The following MDN1 variants were observed in gnomAD, a reference collection of about 807,000 sequenced individuals.
MDN1 encodes the protein midasin AAA ATPase 1.
A neutral mutation model predicts 669.2 loss-of-function variants in MDN1; 266 were observed. The observed-to-expected ratio is 0.40, with a 90% CI of 0.36 to 0.44. The LOEUF (loss-of-function observed/expected upper bound fraction) is 0.44, where lower values mean the gene tolerates loss of function less well. Ranked by LOEUF, MDN1 falls within the 20% of genes least tolerant of loss-of-function variation. The pLI is 1.00. For missense variants in MDN1, 5,940 were observed against 6,754.0 expected (o/e 0.88, Z 4.22); for synonymous variants, 2,385 against 2,457.1 (o/e 0.97, Z 0.87).
chr6:89,740,744 T>C (rs1419820689), intron 31 of MDN1, among the ~76,000 whole-genome samples: 2 of 152,216 alleles, frequency 1.3e-5, no homozygotes, highest in Admixed American at 6.5e-5. Flanking sequence ...TCCAATACTA[T>C]TCGGGACAAA....
At chr6:89,678,423 G>C (rs1811379068) in intron 75 of MDN1, among the ~76,000 whole-genome samples, 176 bp downstream of exon 75, 1 of 152,142 alleles carries the variant, frequency 6.6e-6, no homozygotes, top group Admixed American at 6.5e-5. Context: ...ATGGATGGCT[G>C]GTCATAGGAT....
In MDN1 at chr6:89,766,155, C is replaced by T. The variant is rs1313473289; in HGVS notation, c.2145-3625G>A. ...CTCTACTAAAAATATAAAAATTAGC[C>T]GGGCCTGGTGGCGGGCCCCTGTAAT... On this transcript the variant is annotated intron_variant, in intron 15 of 101. Transcript: ENST00000369393. Among the ~76,000 whole-genome samples the T allele has an allele frequency of 9.9e-5, 15 of 152,074 alleles. 1 individual carries two copies. The highest frequency in any genetic ancestry group is 6.5e-4 in the Admixed American group (10 of 15,270).
In MDN1 at chr6:89,747,370, G is replaced by C. The variant is rs759713234; in HGVS notation, c.3863C>G (p.Thr1288Ser). Reference protein sequence around the residue: ...WAERYRLAEPTEKEYDWLQHL... With the variant: ...WAERYRLAEPSEKEYDWLQHL... ...CTGTAGCCAGTCATACTCCTTCTCG[G>C]TCGGCTCAGCCAATCTGTATCTTTC... The change falls in exon 27 of 102, where the codon ACC becomes AGC. Residue 1288 changes from threonine to serine, a missense_variant. Thr to Ser is a moderately conservative substitution (Grantham distance 58). This residue lies in a region of MDN1 where 2,292 missense variants were observed against 2,638.3 expected (regional missense o/e 0.87). Coordinates refer to ENST00000369393, the MANE Select transcript of MDN1 (RefSeq NM_014611.3). 1.9e-6 allele frequency: 3 copies of C among 1,614,046 alleles called. No homozygotes were observed. In the East Asian group the frequency reaches 6.7e-5, roughly 36 times the overall value.
chr6:89,714,258 C>T (rs1273317311), intron 46 of MDN1, among the ~76,000 whole-genome samples: 1 of 152,060 alleles, frequency 6.6e-6, no homozygotes, highest in Non-Finnish European at 1.5e-5. Flanking sequence ...GATGGGCAAA[C>T]TTCATAAACC....
At position 89,695,885 on chromosome 6, in the gene MDN1, TG is replaced by T. The variant is rs1167975856; in HGVS notation, c.9490del (p.Gln3164SerfsTer62). On this transcript the variant is annotated frameshift_variant, in exon 61 of 102. Transcript: ENST00000369393. LOFTEE classifies it high-confidence loss of function. This position sits in a 1 kb window ranked among gnomAD's most constrained non-coding sequence, Gnocchi z 4.1. ...GGCCTGGCTGCTCCCAAGCAGCAGC[TG>T]CTCACAGTTCTGCATGTACTCCTGC... ...RRQEYMQNCEQLLLGSSQAFQ... is the reference protein window; with the variant it reads ...RRQEYMQNCEXLLLGSSQAFQ... The T allele has an allele frequency of 6.2e-7, 1 of 1,613,180 alleles. No individual in the cohort carries two copies. Among genetic ancestry groups the T allele is most frequent in the Non-Finnish European group, 8.5e-7 (1 of 1,180,040 alleles).
chr6:89,679,437 G>A (rs576588732), intron 74 of MDN1, among the ~76,000 whole-genome samples: 1 of 152,304 alleles, frequency 6.6e-6, no homozygotes, highest in South Asian at 2.1e-4. Flanking sequence ...GCTGGGTTGT[G>A]TCTTCCCCCT....
intron 80 of MDN1, 100 bp from the exon 81 acceptor site, chr6:89,672,802 A>C (rs1220299806): frequency 3.1e-6 from 4 of 1,308,982 alleles, no homozygotes; most frequent in Non-Finnish European, 4.2e-6. Flanking sequence ...TTTATTGATG[A>C]GCCACTGTGT....
At chr6:89,791,202 G>A (rs758962397) in intron 5 of MDN1, among the ~76,000 whole-genome samples, 1 of 152,138 alleles carries the variant, frequency 6.6e-6, no homozygotes, top group African/African-American at 2.4e-5. Context: ...ATGCACAAAG[G>A]TAGGGAAGAG....
chr6:89,735,656 T>C (rs917337771), intron 33 of MDN1, among the ~76,000 whole-genome samples: 8 of 152,144 alleles, frequency 5.3e-5, no homozygotes, highest in African/African-American at 1.7e-4. Flanking sequence ...TATATACTCA[T>C]TAAGATAATA....
rs139770253 is a variant in MDN1, at chr6:89,675,487, G to C, written c.12738C>G (p.Leu4246=). The change falls in exon 78 of 102, where the codon CTC becomes CTG. Residue 4246 remains leucine (L), a synonymous_variant. Transcript: ENST00000369393. The part of the protein sequence containing the change: ...LVRQRRSLTT[L]SEQWIILRNL... ...ACCTGAGGATGATCCACTGCTCACT[G>C]AGCGTGGTCAGGGAGCGCCGCTGTC... is the stretch of plus-strand genomic sequence containing the variant. The C allele has an allele frequency of 2.5e-4, 410 of 1,613,550 alleles. 1 individual carries two copies. Among genetic ancestry groups the C allele is most frequent in the South Asian group, 5.8e-4 (53 of 91,066 alleles).
rs957097241 is a variant in MDN1, at chr6:89,732,910, T to C, written c.4724-135A>G. On this transcript the variant is annotated intron_variant, in intron 33 of 101. Transcript: ENST00000369393. ...GCAAAGTTCTGTGAATGAATGTACATAAATGCTGTTTCTAACAAAAGCAGC... is the reference window on the plus strand; with the variant it reads ...GCAAAGTTCTGTGAATGAATGTACACAAATGCTGTTTCTAACAAAAGCAGC... 61 of 700,278 alleles carry C rather than the reference T, an allele frequency of 8.7e-5. No homozygotes were observed. In the African/African-American group the frequency reaches 8.8e-4, roughly 10 times the overall value. 43.4% of individuals were successfully genotyped at this position (700,278 alleles called of 1,614,324 possible). A position where few individuals can be genotyped will look rare whatever the true frequency, so the allele number is the denominator to read the frequency against.
rs768743314 is a variant in MDN1, at chr6:89,692,985, G to A, written c.10045C>T (p.Arg3349Trp). Residue 3349 changes from arginine to tryptophan, a missense_variant, in exon 63 of 102, where the codon CGG becomes TGG. Transcript: ENST00000369393. ...TCTATGTGGAGGGCCTGCAGAAGCC[G>A]TGTGAGCAGATCCTGAACAGCAGGG... is the stretch of plus-strand genomic sequence containing the variant. The part of the protein sequence containing the change: ...KAPAVQDLLT[R>W]LLQALHIDGP... 1 of 1,614,172 alleles carries A rather than the reference G, an allele frequency of 6.2e-7. No individual in the cohort carries two copies. The highest frequency in any genetic ancestry group is 8.5e-7 in the Non-Finnish European group (1 of 1,180,018).
intron 34 of MDN1, 68 bp downstream of exon 34, chr6:89,732,489 G>A (rs1378718074): frequency 1.5e-6 from 2 of 1,374,472 alleles, no homozygotes; most frequent in Non-Finnish European, 2.0e-6. Context: ...TCAGAGGCCT[G>A]GGCTTGCTCC....
At chr6:89,714,887 C>G (rs1814220952) in intron 45 of MDN1, 136 bp from the exon 46 acceptor site, 2 of 705,208 alleles carry the variant, frequency 2.8e-6, no homozygotes, top group Non-Finnish European at 4.7e-6. Context: ...TCTTTTACTT[C>G]TAGCATGCAT....
At chr6:89,675,954 T>G in intron 77 of MDN1, 148 bp downstream of exon 77, 1 of 656,802 alleles carries the variant, frequency 1.5e-6, no homozygotes, top group South Asian at 2.1e-5. Flanking sequence ...TACATTGATT[T>G]ATATTTTAAG....
rs759310857 is a variant in MDN1, at chr6:89,680,790, T to C, written c.12103-39A>G. 48 of 1,599,108 alleles carry C rather than the reference T, an allele frequency of 3.0e-5. 1 individual carries two copies. The Middle Eastern group carries it at 5.0e-4, about 17-fold the overall frequency. ...GACAGGTTAGCCTCACTGCCAAGAA[T>C]GACAGGCAGTGTCCCTGCAAGGGAA... On this transcript the variant is annotated intron_variant, in intron 73 of 101. Transcript: ENST00000369393.
In MDN1 at chr6:89,670,961, C is replaced by A; in HGVS notation, c.13914G>T (p.Leu4638=). The change falls in exon 83 of 102, where the codon CTG becomes CTT. Residue 4638 remains leucine, a synonymous_variant. Transcript: ENST00000369393. The part of the protein sequence containing the change: ...SLATHRSTAK[L]LSVLAQVFTE... Reference sequence around the variant, plus strand: ...TAAAGACCTGGGCAAGCACAGAGAGCAGCTTTGCAGTACTACGGTGAGTTG... The same window carrying A: ...TAAAGACCTGGGCAAGCACAGAGAGAAGCTTTGCAGTACTACGGTGAGTTG... 1 of 1,614,178 alleles carries A rather than the reference C, an allele frequency of 6.2e-7. No homozygotes were observed. Among genetic ancestry groups the A allele is most frequent in the South Asian group, 1.1e-5 (1 of 91,082 alleles).
chr6:89,733,441 T>G (rs1815729987), intron 33 of MDN1, among the ~76,000 whole-genome samples: 1 of 151,970 alleles, frequency 6.6e-6, no homozygotes, highest in South Asian at 2.1e-4. Context: ...TAAAACGTCT[T>G]AAGTCAACAA....
chr6:89,809,750 T>A (rs1768256644), intron 1 of MDN1, among the ~76,000 whole-genome samples: 1 of 148,230 alleles, frequency 6.7e-6, no homozygotes, highest in African/African-American at 2.5e-5. Flanking sequence ...CACTCAAGCC[T>A]GGGTGCCAGA....
Sources: gnomAD v4.1 joint callset for allele counts (sites outside exome capture counted in the v4.1 genomes callset) on GRCh38, gnomAD v4.1.1 for gene constraint, gnomAD v4.1.1 regional missense constraint, Gnocchi (gnomAD v3.1) non-coding constraint, MANE v1.5 for transcripts, NCBI Gene and HGNC (gene_info 2026-07-23, HGNC 2026-07-21) for gene names.